ANKIB1: variants seen among roughly 807,000 people sequenced by gnomAD.
ANKIB1 encodes ankyrin repeat and IBR domain containing 1, also known as ankyrin repeat and IBR domain-containing protein 1.
In ANKIB1, 43 loss-of-function variants were observed where a neutral mutation model predicts 122.1. The ratio of observed to expected loss-of-function variants is 0.35; its 90% CI spans 0.28 to 0.45. ANKIB1 has a LOEUF of 0.45. Ranked by LOEUF, ANKIB1 falls within the 20% of genes least tolerant of loss-of-function variation. The pLI is 1.00. For missense variants in ANKIB1, 992 were observed against 1,329.5 expected, an observed-to-expected ratio of 0.75 and a Z score of 3.95; for synonymous variants, 390 against 442.0, an observed-to-expected ratio of 0.88 and a Z score of 1.48.
At chr7:92,295,267 C>T in intron 2 of ANKIB1, 101 bp downstream of exon 2, 1 of 782,362 alleles carries the variant, frequency 1.3e-6, no homozygotes, top group Non-Finnish European at 1.8e-6. Context: ...AAAATACGGA[C>T]ATATACAGAC....
chr7:92,382,890 A>G (rs993577662), intron 11 of ANKIB1, among the ~76,000 whole-genome samples: 4 of 152,204 alleles, frequency 2.6e-5, no homozygotes, highest in Non-Finnish European at 5.9e-5. Flanking sequence ...AACTAAGGTC[A>G]GAGCAGAACT....
chr7:92,343,292 A>G, intron 6 of ANKIB1, 60 bp downstream of exon 6: 1 of 1,416,834 alleles, frequency 7.1e-7, no homozygotes. Flanking sequence ...TAACATTCAA[A>G]TGATTTAATA....
chr7:92,367,368 A>G (rs1429772026), intron 10 of ANKIB1, among the ~76,000 whole-genome samples: 1 of 152,240 alleles, frequency 6.6e-6, no homozygotes, highest in Non-Finnish European at 1.5e-5. Flanking sequence ...ATTAAAGTGA[A>G]CAATAATTGG....
chr7:92,282,606 C>G (rs879849575), intron 1 of ANKIB1, among the ~76,000 whole-genome samples: 1 of 151,990 alleles, frequency 6.6e-6, no homozygotes, highest in Non-Finnish European at 1.5e-5. Flanking sequence ...ATAGAGATGC[C>G]GAAGTTACTA....
In ANKIB1 at chr7:92,399,333, TAA is replaced by T. The variant is rs200338114; in HGVS notation, c.*398_*399del. Reference sequence around the variant, plus strand: ...CCCTAATCTTTGGGTGGCTTTCCTTTAAAAAAAAAAAAAAAGTTTTCTTCATT... The same window carrying T: ...CCCTAATCTTTGGGTGGCTTTCCTTTAAAAAAAAAAAAAGTTTTCTTCATT... On this transcript the variant is annotated 3_prime_UTR_variant, in exon 20 of 20. Transcript: ENST00000265742. The T allele has an allele frequency of 7.0e-5, 10 of 143,122 alleles. No individual in the cohort carries two copies. Among genetic ancestry groups the T allele is most frequent in the Admixed American group, 1.4e-4 (2 of 14,312 alleles). 8.9% of individuals were successfully genotyped at this position (143,122 alleles called of 1,614,324 possible).
intron 3 of ANKIB1, among the ~76,000 whole-genome samples, chr7:92,314,303 A>T (rs1802749218): frequency 6.6e-6 from 1 of 152,160 alleles, no homozygotes; most frequent in Non-Finnish European, 1.5e-5. Flanking sequence ...GTCTCCAAAA[A>T]AAAAAAAGAA....
intron 1 of ANKIB1, among the ~76,000 whole-genome samples, chr7:92,257,544 A>G (rs1417215682): frequency 6.6e-6 from 1 of 152,136 alleles, no homozygotes. Flanking sequence ...TGTAATCCCA[A>G]CACTTTGGGA....
chr7:92,377,468 A>T (rs1184042037), intron 11 of ANKIB1, among the ~76,000 whole-genome samples: 3 of 152,212 alleles, frequency 2.0e-5, no homozygotes, highest in African/African-American at 4.8e-5. Flanking sequence ...TATGAGAATT[A>T]CCAAAATGTG....
At chr7:92,295,275 G>T (rs1008047252) in intron 2 of ANKIB1, 109 bp downstream of exon 2, 36 of 735,090 alleles carry the variant, frequency 4.9e-5, no homozygotes, top group Admixed American at 1.8e-4. Flanking sequence ...GACATATACA[G>T]ACATGATATA....
At chr7:92,391,137 G>A (rs1460207382) in intron 15 of ANKIB1, 29 bp from the exon 16 acceptor site, 1 of 1,516,602 alleles carries the variant, frequency 6.6e-7, no homozygotes, top group Non-Finnish European at 9.0e-7. Flanking sequence ...TGAAGCCTGT[G>A]ATTTTTTTTT....
chr7:92,250,076 G>C (rs909489594), intron 1 of ANKIB1, among the ~76,000 whole-genome samples: 8 of 152,150 alleles, frequency 5.3e-5, no homozygotes, highest in Non-Finnish European at 4.4e-5. Flanking sequence ...ATTTCATAAG[G>C]TACTAGTATA....
At chr7:92,257,490 T>C (rs1801472508) in intron 1 of ANKIB1, among the ~76,000 whole-genome samples, 1 of 152,154 alleles carries the variant, frequency 6.6e-6, no homozygotes, top group South Asian at 2.1e-4. Context: ...GGAAAGCAAT[T>C]ATAAAAATAA....
rs1319140994 is a variant in ANKIB1, at chr7:92,398,688, T to C, written c.3009T>C (p.Cys1003=). The C allele has an allele frequency of 6.2e-7, 1 of 1,613,872 alleles. No individual in the cohort carries two copies. The highest frequency in any genetic ancestry group is 1.7e-5 in the Admixed American group (1 of 60,002). ...TEISADSQLP[C]IKDGSEGVKD... ...TCAGTGCAGATTCCCAGCTCCCCTGTATCAAAGATGGGTCAGAAGGTGTGA... is the reference window on the plus strand; with the variant it reads ...TCAGTGCAGATTCCCAGCTCCCCTGCATCAAAGATGGGTCAGAAGGTGTGA... Residue 1003 remains cysteine, a synonymous_variant, in exon 20 of 20, where the codon TGT becomes TGC. Coordinates refer to ENST00000265742, the MANE Select transcript of ANKIB1 (RefSeq NM_019004.2).
chr7:92,381,919 A>G (rs543665851), intron 11 of ANKIB1, among the ~76,000 whole-genome samples: 111 of 152,358 alleles, frequency 7.3e-4, no homozygotes, highest in Admixed American at 5.9e-3. Context: ...AATGGGCTCA[A>G]TGCTCCAATT....
intron 7 of ANKIB1, among the ~76,000 whole-genome samples, chr7:92,348,341 A>G (rs181327906): frequency 9.5e-4 from 144 of 152,234 alleles, no homozygotes; most frequent in African/African-American, 3.3e-3. Flanking sequence ...TTATGTGAAA[A>G]AGGAACTCTA....
At chr7:92,291,363 C>T (rs1802241578) in intron 1 of ANKIB1, among the ~76,000 whole-genome samples, 1 of 151,850 alleles carries the variant, frequency 6.6e-6, no homozygotes, top group African/African-American at 2.4e-5. Flanking sequence ...TGGTGGATAC[C>T]CCATTTACCC....
chr7:92,347,885 T>C, intron 7 of ANKIB1: 1 of 326,916 alleles, frequency 3.1e-6, no homozygotes, highest in Admixed American at 4.4e-5. Flanking sequence ...GTAAAGTGCT[T>C]AAAACAGGAT....
intron 3 of ANKIB1, 121 bp downstream of exon 3, chr7:92,307,777 C>T (rs1481542738): frequency 1.3e-3 from 468 of 358,734 alleles, no homozygotes; most frequent in South Asian, 5.9e-3. Context: ...TCTCTTTTGT[C>T]TTCTAAAAGA....
intron 1 of ANKIB1, among the ~76,000 whole-genome samples, chr7:92,270,671 G>A (rs10277068): frequency 0.024 from 3,616 of 149,068 alleles, 156 homozygotes; most frequent in African/African-American, 0.085. Context: ...CTGTATAGTC[G>A]TACCCTCTGC....
Sources: gnomAD v4.1 joint callset for allele counts (sites outside exome capture counted in the v4.1 genomes callset) on GRCh38, gnomAD v4.1.1 for gene constraint, MANE v1.5 for transcripts, NCBI Gene and HGNC (gene_info 2026-07-23, HGNC 2026-07-21) for gene names.